The following CHODL variants were observed in gnomAD, a reference collection of about 807,000 sequenced individuals.
CHODL encodes transmembrane protein MT75.
In CHODL, 29 loss-of-function variants were observed where a neutral mutation model predicts 34.5. The observed-to-expected ratio is 0.84, with a 90% CI of 0.63 to 1.15. CHODL has a LOEUF of 1.15. Ranked by LOEUF, CHODL falls within the 50% of genes most tolerant of loss-of-function variation. The pLI, the probability that CHODL is intolerant of heterozygous loss-of-function variation, is 0.00. For missense variants in CHODL, 332 were observed against 332.5 expected (o/e 1.00, Z 0.01); for synonymous variants, 125 against 116.1 (o/e 1.08, Z -0.49).
chr21:18,248,024 T>G (rs1282128565), intron 1 of CHODL, among the ~76,000 whole-genome samples: 1 of 151,060 alleles, frequency 6.6e-6, no homozygotes, highest in African/African-American at 2.5e-5. Context: ...TTTTTTTTCC[T>G]TTTTTCTTTC....
At chr21:18,008,232 T>C (rs1209700760) in intron 1 of CHODL, among the ~76,000 whole-genome samples, 3 of 152,166 alleles carry the variant, frequency 2.0e-5, no homozygotes, top group Non-Finnish European at 4.4e-5. Context: ...TTGATGTATT[T>C]GTATGTATGC....
chr21:18,180,476 C>T (rs773233687), intron 2 of CHODL, among the ~76,000 whole-genome samples: 19 of 152,198 alleles, frequency 1.2e-4, no homozygotes, highest in Admixed American at 2.6e-4. Context: ...CAAAGCTGTA[C>T]TTTGAGAAAC....
chr21:18,215,409 T>C (rs1336548129), intron 2 of CHODL, among the ~76,000 whole-genome samples: 2 of 152,132 alleles, frequency 1.3e-5, no homozygotes, highest in Non-Finnish European at 2.9e-5. Flanking sequence ...CGTCTAATAA[T>C]AAGATCAAAC....
chr21:18,225,614 TA>T (rs1298595999), intron 2 of CHODL, among the ~76,000 whole-genome samples: 11 of 152,120 alleles, frequency 7.2e-5, no homozygotes, highest in Non-Finnish European at 1.0e-4. Flanking sequence ...AAAGACAACA[TA>T]AAAAACTTTA....
intron 5 of CHODL, among the ~76,000 whole-genome samples, chr21:18,265,235 G>A (rs978719286): frequency 2.3e-5 from 3 of 129,254 alleles, no homozygotes; most frequent in African/African-American, 9.5e-5. Flanking sequence ...ATATATGTGT[G>A]TATATATATA....
At chr21:18,022,239 C>T (rs2064134622) in intron 1 of CHODL, 1 of 152,174 alleles carries the variant, frequency 6.6e-6, no homozygotes, top group African/African-American at 2.4e-5. Flanking sequence ...GATTTCCTCC[C>T]TTGAATCTTT....
intron 2 of CHODL, among the ~76,000 whole-genome samples, chr21:18,179,764 G>A (rs533358070): frequency 2.0e-4 from 31 of 152,234 alleles, no homozygotes; most frequent in African/African-American, 7.0e-4. Flanking sequence ...ATATATTTAT[G>A]AATAAATTAA....
chr21:18,092,719 G>A (rs750274305), intron 2 of CHODL, among the ~76,000 whole-genome samples: 3 of 152,310 alleles, frequency 2.0e-5, no homozygotes, highest in Non-Finnish European at 4.4e-5. Flanking sequence ...AATAGATTAT[G>A]CAGAAGAAAG....
intron 2 of CHODL, among the ~76,000 whole-genome samples, chr21:18,102,751 G>T (rs1213651547): frequency 6.6e-6 from 1 of 152,136 alleles, no homozygotes; most frequent in Non-Finnish European, 1.5e-5. Context: ...TGAGCCTAAT[G>T]AATATTTTGT....
intron 2 of CHODL, among the ~76,000 whole-genome samples, chr21:18,184,286 G>A (rs956018710): frequency 1.3e-5 from 2 of 152,076 alleles, no homozygotes; most frequent in African/African-American, 4.8e-5. Flanking sequence ...ATACATATCT[G>A]TAATTTTGAA....
intron 2 of CHODL, among the ~76,000 whole-genome samples, chr21:18,218,305 G>A (rs2073850341): frequency 6.6e-6 from 1 of 152,332 alleles, no homozygotes; most frequent in East Asian, 1.9e-4. Context: ...TAACTTCTGT[G>A]TACCTGCAGG....
chr21:17,963,694 A>G (rs1268703523), intron 1 of CHODL, among the ~76,000 whole-genome samples: 1 of 152,138 alleles, frequency 6.6e-6, no homozygotes, highest in Non-Finnish European at 1.5e-5. Flanking sequence ...GCCAAACCAT[A>G]TCAATTATCA....
intron 2 of CHODL, among the ~76,000 whole-genome samples, chr21:18,173,683 A>G (rs73893010): frequency 0.014 from 2,075 of 152,138 alleles, 51 homozygotes; most frequent in African/African-American, 0.046. Context: ...TCAAAAGTCT[A>G]TGCTATCTAC....
rs113775858 is a variant in CHODL at position 18,145,158 on chromosome 21, C to T, written c.-44-111351C>T. Among the ~76,000 whole-genome samples, 221 of 151,010 alleles carry T rather than the reference C, an allele frequency of 1.5e-3. 1 individual carries two copies. The South Asian group carries it at 0.018, about 12-fold the overall frequency. ...GCTCATTAGAAAGTGGCATTTGGGC[C>T]GGGCGCGGTGGCTCAGGCCTGTAAT... On this transcript the variant is annotated intron_variant, in intron 2 of 6. Coordinates refer to the CHODL transcript ENST00000400127.
chr21:18,222,087 GCAGTGACTC>G (rs2073889760), intron 2 of CHODL, among the ~76,000 whole-genome samples: 1 of 152,198 alleles, frequency 6.6e-6, no homozygotes, highest in Non-Finnish European at 1.5e-5. Flanking sequence ...GCATAAGCCT[GCAGTGACTC>G]CAGTGCTGGA....
intron 2 of CHODL, among the ~76,000 whole-genome samples, chr21:18,103,267 C>A (rs1308724913): frequency 6.6e-6 from 1 of 152,068 alleles, no homozygotes; most frequent in East Asian, 1.9e-4. Flanking sequence ...AAGAAACTGA[C>A]CCTTTGTCAT....
chr21:18,232,100 TCTTAA>T (rs927462606), intron 2 of CHODL, among the ~76,000 whole-genome samples: 50 of 152,136 alleles, frequency 3.3e-4, no homozygotes, highest in African/African-American at 1.1e-3. Flanking sequence ...TACCATTAAT[TCTTAA>T]CTTAGCATTT....
intron 2 of CHODL, among the ~76,000 whole-genome samples, chr21:18,202,057 G>A (rs1043521734): frequency 6.6e-6 from 1 of 151,914 alleles, no homozygotes; most frequent in African/African-American, 2.4e-5. Context: ...TGCCTGCCTC[G>A]GTCTCCCAAA....
intron 2 of CHODL, among the ~76,000 whole-genome samples, chr21:18,129,771 A>C (rs1219284736): frequency 2.6e-5 from 4 of 152,142 alleles, no homozygotes; most frequent in Non-Finnish European, 4.4e-5. Context: ...CTGATAATAC[A>C]AAAATGGTGT....
Sources: gnomAD v4.1 joint callset for allele counts (sites outside exome capture counted in the v4.1 genomes callset) on GRCh38, gnomAD v4.1.1 for gene constraint, MANE v1.5 for transcripts, NCBI Gene and HGNC (gene_info 2026-07-23, HGNC 2026-07-21) for gene names.